The following XRCC4 variants were observed in gnomAD, a reference collection of about 807,000 sequenced individuals.
XRCC4 encodes X-ray repair cross complementing 4, also known as DNA repair protein XRCC4.
In XRCC4, 28 loss-of-function variants were observed where a neutral mutation model predicts 39.1. The observed-to-expected ratio is 0.72, with a 90% CI of 0.53 to 0.98. The LOEUF (loss-of-function observed/expected upper bound fraction) is 0.98. XRCC4 is among the 50% of genes least tolerant of loss of function. The probability of loss-of-function intolerance (pLI) is 0.00; values close to 1 mark genes in which losing one functional copy is unlikely to be tolerated. For missense variants in XRCC4, 350 were observed against 376.4 expected, an observed-to-expected ratio of 0.93 and a Z score of 0.58; for synonymous variants, 123 against 126.4, an observed-to-expected ratio of 0.97 and a Z score of 0.18.
At chr5:83,280,394 C>A (rs1754494842) in intron 7 of XRCC4, 3 of 582,426 alleles carry the variant, frequency 5.2e-6, no homozygotes, top group Non-Finnish European at 9.5e-6. Flanking sequence ...ATTCTTCTCT[C>A]TGAATATTCT....
downstream of XRCC4, among the ~76,000 whole-genome samples, chr5:83,355,973 A>G (rs1390479628): frequency 6.6e-6 from 1 of 152,210 alleles, no homozygotes; most frequent in Admixed American, 6.5e-5. Context: ...GAAAAAAATT[A>G]CACACATACA....
intron 7 of XRCC4, among the ~76,000 whole-genome samples, chr5:83,267,712 A>T (rs187020600): frequency 5.1e-4 from 78 of 152,240 alleles, no homozygotes; most frequent in Admixed American, 3.8e-3. Flanking sequence ...AGAAAAATAA[A>T]TGTCTAGCTT....
At chr5:83,356,616 G>T (rs1403104084), downstream of XRCC4, 6 of 333,338 alleles carry the variant, frequency 1.8e-5, no homozygotes, top group South Asian at 1.3e-4. Context: ...TGAAGACGTG[G>T]TTTTTTATAT....
chr5:83,078,924 T>G (rs1744807853), intron 1 of XRCC4, among the ~76,000 whole-genome samples: 1 of 152,268 alleles, frequency 6.6e-6, no homozygotes, highest in Admixed American at 6.5e-5. Context: ...GCCATTCAAA[T>G]TAAACAAACC....
intron 7 of XRCC4, among the ~76,000 whole-genome samples, chr5:83,332,846 G>T (rs1049729812): frequency 6.6e-6 from 1 of 152,142 alleles, no homozygotes; most frequent in African/African-American, 2.4e-5. Context: ...AGAGGCCATT[G>T]GTGAAGAGCA....
chr5:83,353,159 A>G lies in XRCC4; in HGVS notation c.922A>G (p.Lys308Glu). ...KPDSSLPETS[K>E]KEHISAENMS... is the part of the protein sequence containing the mutation. ...TGATTCTTCACTACCTGAGACGTCT[A>G]AAAAGGAGCACATCTCAGCTGAAAA... Residue 308 changes from lysine (K) to glutamate (E), a missense_variant, in exon 8 of 8, where the codon AAA becomes GAA. Physicochemically the swap from Lys to Glu is moderately conservative, Grantham distance 56 (BLOSUM62 1). Coordinates refer to ENST00000396027, the MANE Select transcript of XRCC4 (RefSeq NM_003401.5). The G allele has an allele frequency of 6.2e-7, 1 of 1,611,184 alleles. No individual in the cohort carries two copies.
intron 7 of XRCC4, among the ~76,000 whole-genome samples, chr5:83,318,230 A>C (rs1162820239): frequency 4.4e-5 from 6 of 135,012 alleles, no homozygotes; most frequent in African/African-American, 1.0e-4. Context: ...TATCTATGAC[A>C]AACCCACAGC....
At chr5:83,247,908 T>C (rs1409783458) in intron 6 of XRCC4, among the ~76,000 whole-genome samples, 1 of 152,222 alleles carries the variant, frequency 6.6e-6, no homozygotes, top group Non-Finnish European at 1.5e-5. Context: ...TTTTCATTTT[T>C]CTTGATTAAT....
intron 1 of XRCC4, among the ~76,000 whole-genome samples, chr5:83,092,980 T>C (rs1745497641): frequency 6.6e-6 from 1 of 151,210 alleles, no homozygotes; most frequent in Non-Finnish European, 1.5e-5. Flanking sequence ...AAACGGATTA[T>C]ATTCTCCTAT....
intron 1 of XRCC4, among the ~76,000 whole-genome samples, chr5:83,089,712 A>C (rs1020365646): frequency 1.3e-5 from 2 of 150,414 alleles, no homozygotes; most frequent in Non-Finnish European, 2.9e-5. Context: ...GGAATGTTAC[A>C]TGTCTTAGAA....
chr5:83,136,504 T>C (rs1310149143), intron 3 of XRCC4, among the ~76,000 whole-genome samples: 1 of 152,232 alleles, frequency 6.6e-6, no homozygotes, highest in East Asian at 1.9e-4. Flanking sequence ...GGTTTTCTTT[T>C]GACTATCATC....
At chr5:83,197,564 G>A (rs1003931312) in intron 4 of XRCC4, among the ~76,000 whole-genome samples, 1 of 152,140 alleles carries the variant, frequency 6.6e-6, no homozygotes, top group African/African-American at 2.4e-5. Context: ...CGAAGATGGG[G>A]AATTAGAGAC....
intron 3 of XRCC4, among the ~76,000 whole-genome samples, chr5:83,161,870 G>T (rs567994584): frequency 6.6e-6 from 1 of 152,266 alleles, no homozygotes; most frequent in African/African-American, 2.4e-5. Flanking sequence ...TCAAATTCTG[G>T]TTTGGCATAT....
chr5:83,208,411 T>C (rs986575903), intron 6 of XRCC4, among the ~76,000 whole-genome samples: 2 of 152,082 alleles, frequency 1.3e-5, no homozygotes, highest in African/African-American at 4.8e-5. Context: ...AAATATGAAA[T>C]GGCAAATTCA....
intron 7 of XRCC4, among the ~76,000 whole-genome samples, chr5:83,267,025 A>G (rs948964756): frequency 6.6e-6 from 1 of 152,204 alleles, no homozygotes; most frequent in Non-Finnish European, 1.5e-5. Flanking sequence ...TTTAATATGT[A>G]TATGGCTAAC....
intron 3 of XRCC4, among the ~76,000 whole-genome samples, chr5:83,194,959 C>T (rs1007007275): frequency 6.6e-6 from 1 of 152,150 alleles, no homozygotes; most frequent in African/African-American, 2.4e-5. Flanking sequence ...ACTTGAGTTA[C>T]ACTTCAACCA....
At position 83,204,922 on chromosome 5, in the gene XRCC4, G is replaced by A; in HGVS notation, c.745+1G>A. 6 of 1,599,950 alleles carry A rather than the reference G, an allele frequency of 3.8e-6. No homozygotes were observed. The highest frequency in any genetic ancestry group is 5.1e-6 in the Non-Finnish European group (6 of 1,168,442). ...ACTGATCTCTCTGGGTTGGCTTCAG[G>A]TAAGAGATACATACATTTATCTCCT... On this transcript the variant is annotated splice_donor_variant, in intron 6 of 7. Coordinates refer to ENST00000396027, the MANE Select transcript of XRCC4 (RefSeq NM_003401.5). LOFTEE classifies it high-confidence loss of function.
intron 3 of XRCC4, among the ~76,000 whole-genome samples, chr5:83,168,979 C>T (rs1206427583): frequency 6.6e-6 from 1 of 152,018 alleles, no homozygotes; most frequent in Non-Finnish European, 1.5e-5. Context: ...CCTAGATGAC[C>T]AAAATACAAT....
In XRCC4 at chr5:83,154,576, A is replaced by G. The variant is rs116169546; in HGVS notation, c.316-41194A>G. On this transcript the variant is annotated intron_variant, in intron 3 of 7. Coordinates refer to ENST00000396027, the MANE Select transcript of XRCC4 (RefSeq NM_003401.5). ...GAACTCAAGAACCAAAATGTAGACA[A>G]TTATTAACTATTTGTTCTTTCCCTG... 3.2e-3 allele frequency among the ~76,000 whole-genome samples: 481 copies of G among 152,270 alleles called. 2 individuals are homozygous for G. The highest frequency in any genetic ancestry group is 0.011 in the African/African-American group (458 of 41,568).
Sources: allele counts gnomAD v4.1 joint callset (sites outside exome capture counted in the v4.1 genomes callset), GRCh38; gene constraint gnomAD v4.1.1; transcripts MANE v1.5; gene names NCBI Gene and HGNC (gene_info 2026-07-23, HGNC 2026-07-21).